Variants in NUDT9 observed in about 807,000 individuals in gnomAD.
NUDT9 encodes nudix hydrolase 9, also known as ADP-ribose pyrophosphatase.
In NUDT9, 31 loss-of-function variants were observed where a neutral mutation model predicts 41.0. The ratio of observed to expected loss-of-function variants is 0.76; its 90% CI spans 0.57 to 1.02. The LOEUF is 1.02. Ranked by LOEUF, NUDT9 falls within the 50% of genes least tolerant of loss-of-function variation. NUDT9 has a pLI of 0.00. For synonymous variants in NUDT9, 146 were observed against 147.6 expected (o/e 0.99, Z 0.08); for missense variants, 380 against 431.4 (o/e 0.88, Z 1.06).
chr4:87,445,985 A>G (rs1722433013), intron 4 of NUDT9, among the ~76,000 whole-genome samples: 1 of 145,356 alleles, frequency 6.9e-6, no homozygotes, highest in African/African-American at 2.6e-5. Flanking sequence ...GCTGGTCTTG[A>G]ACTCCTGATC....
At chr4:87,437,449 T>A (rs151159800) in intron 2 of NUDT9, among the ~76,000 whole-genome samples, 6,344 of 152,026 alleles carry the variant, frequency 0.042, 152 homozygotes, top group African/African-American at 0.072. Flanking sequence ...CACGCCATTC[T>A]CCTGCCTCAG....
At chr4:87,427,119 CAAAA>C (rs1183449352) in intron 1 of NUDT9, among the ~76,000 whole-genome samples, 1 of 66,292 alleles carries the variant, frequency 1.5e-5, no homozygotes. Flanking sequence ...GGCCTTGTCT[CAAAA>C]AAAAAAAAAA....
chr4:87,422,990 T>G lies in NUDT9; in HGVS notation c.85T>G (p.Cys29Gly). The change falls in exon 1 of 8, where the codon TGC becomes GGC. Residue 29 changes from cysteine to glycine, a missense_variant. Physicochemically the swap from Cys to Gly is radical, Grantham distance 159. Transcript: ENST00000302174. ...CTCTGTGACTATCAGGTCCTCGCGCTGCCGCGGCATCCAGGCGTTCAGGTA... is the reference window on the plus strand; with the variant it reads ...CTCTGTGACTATCAGGTCCTCGCGCGGCCGCGGCATCCAGGCGTTCAGGTA... Reference protein sequence around the residue: ...LASVTIRSSRCRGIQAFRNSF... With the variant: ...LASVTIRSSRGRGIQAFRNSF... The G allele has an allele frequency of 1.2e-6, 2 of 1,613,170 alleles. No individual in the cohort carries two copies. The highest frequency in any genetic ancestry group is 1.7e-6 in the Non-Finnish European group (2 of 1,179,672).
intron 1 of NUDT9, among the ~76,000 whole-genome samples, chr4:87,428,704 T>C (rs1352300017): frequency 6.6e-6 from 1 of 152,150 alleles, no homozygotes; most frequent in Non-Finnish European, 1.5e-5. Flanking sequence ...TTGGATGAAT[T>C]GGGGTAGCAC....
intron 5 of NUDT9, among the ~76,000 whole-genome samples, chr4:87,451,126 G>A (rs966288729): frequency 6.6e-6 from 1 of 152,156 alleles, no homozygotes; most frequent in Non-Finnish European, 1.5e-5. Context: ...ACTATCTGAA[G>A]GAAATGAATT....
intron 1 of NUDT9, 131 bp downstream of exon 1, chr4:87,423,143 T>A: frequency 1.8e-6 from 1 of 542,232 alleles, no homozygotes; most frequent in Non-Finnish European, 3.2e-6. Context: ...ATACAAGTTT[T>A]CAAAAAGGCT....
intron 2 of NUDT9, 29 bp from the exon 3 acceptor site, chr4:87,438,248 C>A: frequency 8.3e-7 from 1 of 1,198,846 alleles, no homozygotes; most frequent in Non-Finnish European, 1.2e-6. Context: ...ATCATTATTT[C>A]TTATTTTACA....
chr4:87,437,589 A>G (rs560958585), intron 2 of NUDT9, among the ~76,000 whole-genome samples: 18 of 151,976 alleles, frequency 1.2e-4, no homozygotes, highest in Admixed American at 3.3e-4. Flanking sequence ...TGATCTGCCC[A>G]CCTTGGCCTC....
chr4:87,449,088 T>C, intron 4 of NUDT9, 54 bp from the exon 5 acceptor site: 1 of 1,026,424 alleles, frequency 9.7e-7, no homozygotes, highest in Non-Finnish European at 1.5e-6. Flanking sequence ...AAGTTTGAGA[T>C]AGAACCTTAG....
rs750104513 is a variant in NUDT9 at position 87,422,878 on chromosome 4, G to C, written c.-28G>C. The C allele has an allele frequency of 1.3e-5, 20 of 1,584,972 alleles. No individual in the cohort carries two copies. In the Admixed American group the frequency reaches 1.7e-4, roughly 13 times the overall value. Reference sequence around the variant, plus strand: ...GGAGGCACCAACTAAGAGCGACCTAGCATCGCAAAGCCGCCCTCGGGGCGC... The same window carrying C: ...GGAGGCACCAACTAAGAGCGACCTACCATCGCAAAGCCGCCCTCGGGGCGC... On this transcript the variant is annotated 5_prime_UTR_variant, in exon 1 of 8. Coordinates refer to ENST00000302174, the MANE Select transcript of NUDT9 (RefSeq NM_024047.5).
chr4:87,440,035 T>C (rs559922697), intron 3 of NUDT9, among the ~76,000 whole-genome samples: 7 of 152,326 alleles, frequency 4.6e-5, no homozygotes, highest in Admixed American at 1.3e-4. Flanking sequence ...TCATAACTTA[T>C]TCACCTTTCT....
At chr4:87,450,056 T>G (rs1318460949) in intron 5 of NUDT9, among the ~76,000 whole-genome samples, 1 of 152,002 alleles carries the variant, frequency 6.6e-6, no homozygotes, top group Non-Finnish European at 1.5e-5. Context: ...TAGAGACAGG[T>G]TTCACTGCGT....
chr4:87,423,087 G>T (rs1721223851), intron 1 of NUDT9, 75 bp downstream of exon 1: 1 of 1,098,232 alleles, frequency 9.1e-7, no homozygotes, highest in Admixed American at 2.3e-5. Flanking sequence ...TTTTTTTCTG[G>T]CGTATTCTGT....
At chr4:87,437,857 G>A (rs1249788494) in intron 2 of NUDT9, among the ~76,000 whole-genome samples, 1 of 152,118 alleles carries the variant, frequency 6.6e-6, no homozygotes. Context: ...TGCATTTGAA[G>A]AAATTTAAAT....
chr4:87,444,034 A>G (rs1276330856), intron 4 of NUDT9, among the ~76,000 whole-genome samples: 3 of 152,174 alleles, frequency 2.0e-5, no homozygotes, highest in African/African-American at 4.8e-5. Flanking sequence ...ATGCTTAGCT[A>G]TCTCCACAGG....
chr4:87,447,304 G>C (rs1195177241), intron 4 of NUDT9, among the ~76,000 whole-genome samples: 1 of 151,848 alleles, frequency 6.6e-6, no homozygotes, highest in Non-Finnish European at 1.5e-5. Context: ...TGCTAATTTA[G>C]AGCCACTGCT....
At chr4:87,442,616 A>G (rs915151103) in intron 4 of NUDT9, among the ~76,000 whole-genome samples, 3 of 152,174 alleles carry the variant, frequency 2.0e-5, no homozygotes, top group Non-Finnish European at 4.4e-5. Context: ...AGCTTAAAAC[A>G]CATCATGCAA....
Position 87,454,374 on chromosome 4 carries a change from T to G in NUDT9, c.793T>G (p.Tyr265Asp). Residue 265 changes from tyrosine (Y) to aspartate (D), a missense_variant, in exon 7 of 8, where the codon TAT (tyrosine) becomes GAT (aspartate). Physicochemically the swap from Tyr to Asp is radical, Grantham distance 160. Coordinates refer to ENST00000302174, the MANE Select transcript of NUDT9 (RefSeq NM_024047.5). ...ATTTGTCTTCTTTTGAAAATAGATATATAAGGGATATGTTGATGATCCTCG... is the reference window on the plus strand; with the variant it reads ...ATTTGTCTTCTTTTGAAAATAGATAGATAAGGGATATGTTGATGATCCTCG... The part of the protein sequence containing the change: ...KLFSQDHLVI[Y>D]KGYVDDPRNT... 1 of 1,600,042 alleles carries G rather than the reference T, an allele frequency of 6.2e-7. No homozygotes were observed. Among genetic ancestry groups the G allele is most frequent in the Non-Finnish European group, 8.6e-7 (1 of 1,167,314 alleles).
intron 4 of NUDT9, among the ~76,000 whole-genome samples, chr4:87,447,679 A>G (rs1218698863): frequency 6.6e-6 from 1 of 152,200 alleles, no homozygotes; most frequent in African/African-American, 2.4e-5. Flanking sequence ...CCCATAAGCA[A>G]TTCAATTTAA....
Sources: gnomAD v4.1 joint callset for allele counts (sites outside exome capture counted in the v4.1 genomes callset) on GRCh38, gnomAD v4.1.1 for gene constraint, MANE v1.5 for transcripts, NCBI Gene and HGNC (gene_info 2026-07-23, HGNC 2026-07-21) for gene names.